Variants in POLR3D observed in about 807,000 individuals in gnomAD.
POLR3D encodes the protein DNA-directed RNA polymerase III subunit RPC4.
Under a neutral mutation model 44.5 loss-of-function variants are expected in POLR3D, and 42 were observed. The observed-to-expected ratio is 0.94, with a 90% CI of 0.74 to 1.22. The LOEUF (loss-of-function observed/expected upper bound fraction) is 1.22. Among genes scored for constraint, POLR3D ranks in the 50% most tolerant of loss-of-function variants. The probability of loss-of-function intolerance (pLI) is 0.00; values close to 1 mark genes in which losing one functional copy is unlikely to be tolerated. For synonymous variants in POLR3D, 217 were observed against 198.1 expected (o/e 1.10, Z -0.80); for missense variants, 507 against 505.2 (o/e 1.00, Z -0.03).
rs1830121915 is a variant in POLR3D, at chr8:22,253,494, G to A, written c.*2976G>A. On this transcript the variant is annotated 3_prime_UTR_variant, in exon 9 of 9. Transcript: ENST00000306433. ...AGGAAGCTGGAGTGGCAGTTGGATA[G>A]ACAATTCATAGTAGCTGCTGCCATG... 1 of 152,200 alleles carries A rather than the reference G, an allele frequency of 6.6e-6. No homozygotes were observed. The highest frequency in any genetic ancestry group is 1.5e-5 in the Non-Finnish European group (1 of 68,038). 9.4% of individuals were successfully genotyped at this position (152,200 alleles called of 1,614,324 possible).
chr8:22,245,995 A>G (rs1276037350), intron 2 of POLR3D, among the ~76,000 whole-genome samples: 1 of 152,220 alleles, frequency 6.6e-6, no homozygotes, highest in Non-Finnish European at 1.5e-5. Context: ...CTTTTTATCT[A>G]GAGTATGATG....
Position 22,250,407 on chromosome 8 carries a change from C to T in POLR3D, c.1086C>T (p.Ser362=), listed in dbSNP as rs770938510. The change falls in exon 9 of 9, where the codon TCC becomes TCT. Residue 362 remains serine (S), a synonymous_variant. Coordinates refer to ENST00000306433, the MANE Select transcript of POLR3D (RefSeq NM_001722.3). The part of the protein sequence containing the change: ...TACSFLQELV[S]VGLGDSRTGE... ...CTGTTAATTGGCAGGAGCTGGTGTC[C>T]GTGGGCCTTGGAGACAGTAGGACAG... 2.2e-5 allele frequency: 36 copies of T among 1,614,042 alleles called. No homozygotes were observed. In the East Asian group the frequency reaches 6.0e-4, roughly 27 times the overall value.
In POLR3D at chr8:22,248,254, C is replaced by G; in HGVS notation, c.462C>G (p.Ile154Met). 6.2e-7 allele frequency: 1 copy of G among 1,614,094 alleles called. No homozygotes were observed. Among genetic ancestry groups the G allele is most frequent in the Non-Finnish European group, 8.5e-7 (1 of 1,180,004 alleles). The stretch of plus-strand genomic sequence containing the variant: ...AGACAGACGAAGAAACTAAACAGAT[C>G]TTGCGTATGCTGGAGAAGGACGATG... ...KRETDEETKQ[I>M]LRMLEKDDFL... The change falls in exon 5 of 9, where the codon ATC (isoleucine) becomes ATG (methionine). Residue 154 changes from isoleucine to methionine, a missense_variant. By Grantham distance (10) the Ile-to-Met change is conservative (BLOSUM62 1). Transcript: ENST00000306433.
At position 22,251,753 on chromosome 8, in the gene POLR3D, CTT is replaced by C. The variant is rs1402991024; in HGVS notation, c.*1236_*1237del. ...TGTCCCTGGAGGAACAGCTTCTCCT[CTT>C]GTCTTGACAGTAGGGCTGGGGTTTT... On this transcript the variant is annotated 3_prime_UTR_variant, in exon 9 of 9. Coordinates refer to ENST00000306433, the MANE Select transcript of POLR3D (RefSeq NM_001722.3). 2 of 152,476 alleles carry C rather than the reference CTT, an allele frequency of 1.3e-5. No individual in the cohort carries two copies. Among genetic ancestry groups the C allele is most frequent in the East Asian group, 3.9e-4 (2 of 5,188 alleles). 9.4% of individuals were successfully genotyped at this position (152,476 alleles called of 1,614,324 possible). A position where few individuals can be genotyped will look rare whatever the true frequency, so the allele number is the denominator to read the frequency against.
rs1830113321 is a variant in POLR3D, at chr8:22,252,514, G to A, written c.*1996G>A. On this transcript the variant is annotated 3_prime_UTR_variant, in exon 9 of 9. Transcript: ENST00000306433. ...TCACGTTCATTTCGCCCATTCAGATGTCTTGGCTTGAACCTTATGACTCCG... is the reference window on the plus strand; with the variant it reads ...TCACGTTCATTTCGCCCATTCAGATATCTTGGCTTGAACCTTATGACTCCG... 1 of 152,208 alleles carries A rather than the reference G, an allele frequency of 6.6e-6. No homozygotes were observed. The allele number at this position is 152,208 out of a possible 1,614,324, so 9.4% of individuals were successfully genotyped here. A position where few individuals can be genotyped will look rare whatever the true frequency, so the allele number is the denominator to read the frequency against.
chr8:22,245,398 C>T (rs879163147), intron 1 of POLR3D, 47 bp from the exon 2 acceptor site: 4 of 1,296,542 alleles, frequency 3.1e-6, no homozygotes, highest in African/African-American at 1.5e-5. Context: ...CCGCCAGGGT[C>T]CGCGTGTCAG....
chr8:22,247,396 C>T, intron 3 of POLR3D, 132 bp downstream of exon 3: 1 of 644,146 alleles, frequency 1.6e-6, no homozygotes, highest in Non-Finnish European at 2.7e-6. Flanking sequence ...TAGTGATTTT[C>T]AACCCTGGCT....
At position 22,247,947 on chromosome 8, in the gene POLR3D, A is replaced by G. The variant is rs1296734774; in HGVS notation, c.300A>G (p.Pro100=). 6 of 1,614,174 alleles carry G rather than the reference A, an allele frequency of 3.7e-6. No homozygotes were observed. The highest frequency in any genetic ancestry group is 5.1e-6 in the Non-Finnish European group (6 of 1,180,026). Residue 100 remains proline, a synonymous_variant, in exon 4 of 9, where the codon CCA becomes CCG. Coordinates refer to ENST00000306433, the MANE Select transcript of POLR3D (RefSeq NM_001722.3). ...REGHGRGRGR[P]EVIQSHSIFE... is the part of the protein sequence containing the mutation. ...GGCATGGACGAGGGCGAGGCCGTCC[A>G]GAAGTGATCCAGTCTCACTCCATCT...
At chr8:22,249,686 G>A (rs1384369033) in intron 7 of POLR3D, among the ~76,000 whole-genome samples, 1 of 152,136 alleles carries the variant, frequency 6.6e-6, no homozygotes, top group African/African-American at 2.4e-5. Flanking sequence ...GCCAGGCATG[G>A]TGGCGTGTGC....
At position 22,254,366 on chromosome 8, in the gene POLR3D, C is replaced by T. The variant is rs1830130929; in HGVS notation, c.*3848C>T. On this transcript the variant is annotated 3_prime_UTR_variant, in exon 9 of 9. Transcript: ENST00000306433. ...TGGTTTTATCGTGTACTCTATCTCA[C>T]TCAGAAATACATACAATTCTTCGTT... The T allele has an allele frequency of 6.6e-6, 1 of 152,186 alleles. No individual in the cohort carries two copies. Among genetic ancestry groups the T allele is most frequent in the South Asian group, 2.1e-4 (1 of 4,834 alleles). The allele number at this position is 152,186 out of a possible 1,614,324, so 9.4% of individuals were successfully genotyped here.
chr8:22,249,333 G>A (rs1164578927), intron 7 of POLR3D, 24 bp downstream of exon 7: 1 of 1,607,468 alleles, frequency 6.2e-7, no homozygotes, highest in Non-Finnish European at 8.5e-7. Context: ...GAGGCCTGCG[G>A]GAATCAAGTC....
At chr8:22,249,864 C>T (rs757539891) in intron 7 of POLR3D, among the ~76,000 whole-genome samples, 2 of 152,208 alleles carry the variant, frequency 1.3e-5, no homozygotes, top group Non-Finnish European at 2.9e-5. Flanking sequence ...CAGAACTCAG[C>T]TTCAGCAGTA....
Position 22,250,642 on chromosome 8 carries a change from C to T in POLR3D, c.*124C>T. 8.1e-7 allele frequency: 1 copy of T among 1,236,628 alleles called. No homozygotes were observed. The highest frequency in any genetic ancestry group is 1.3e-5 in the South Asian group (1 of 74,928). 76.6% of individuals were successfully genotyped at this position (1,236,628 alleles called of 1,614,324 possible). A position where few individuals can be genotyped will look rare whatever the true frequency, so the allele number is the denominator to read the frequency against. ...GCCCACTCACTCCAGCCTTTGGCAA[C>T]CATTGTTCCAGGTCCCCCAGGGCTT... On this transcript the variant is annotated 3_prime_UTR_variant, in exon 9 of 9. Transcript: ENST00000306433.
At position 22,248,552 on chromosome 8, in the gene POLR3D, A is replaced by G; in HGVS notation, c.558A>G (p.Gly186=). Residue 186 remains glycine (G), a synonymous_variant, in exon 6 of 9, where the codon GGA becomes GGG. Transcript: ENST00000306433. ...TGCAGCTGCCGCTGGCTCACTCAGG[A>G]TGGCTTTTTAAGGAAGAAAATGACG... is the stretch of plus-strand genomic sequence containing the variant. The part of the protein sequence containing the change: ...MPVQLPLAHS[G]WLFKEENDEP... 6.2e-7 allele frequency: 1 copy of G among 1,614,130 alleles called. No individual in the cohort carries two copies. The highest frequency in any genetic ancestry group is 8.5e-7 in the Non-Finnish European group (1 of 1,180,026).
At position 22,245,143 on chromosome 8, in the gene POLR3D, C is replaced by T. The variant is rs929202769; in HGVS notation, c.-46C>T. On this transcript the variant is annotated 5_prime_UTR_variant, in exon 1 of 9. Transcript: ENST00000306433. ...CAGGCCCTGCCACGCAGACTTCCGC[C>T]CGGCGCGGAGACCGAAGGCTGGCGG... The T allele has an allele frequency of 3.4e-6, 2 of 586,884 alleles. No individual in the cohort carries two copies. The highest frequency in any genetic ancestry group is 1.9e-5 in the African/African-American group (1 of 53,752). 36.4% of individuals were successfully genotyped at this position (586,884 alleles called of 1,614,324 possible).
chr8:22,252,759 A>G lies in POLR3D; in HGVS notation c.*2241A>G, dbSNP rs1396159086. ...TTTGTTGCTCCCTGCATCTGTGTAT[A>G]TGCTTTCTGTTAAATACAGAAAGAA... On this transcript the variant is annotated 3_prime_UTR_variant, in exon 9 of 9. Transcript: ENST00000306433. 2 of 152,192 alleles carry G rather than the reference A, an allele frequency of 1.3e-5. No individual in the cohort carries two copies. Among genetic ancestry groups the G allele is most frequent in the South Asian group, 2.1e-4 (1 of 4,830 alleles). The allele number at this position is 152,192 out of a possible 1,614,324, so 9.4% of individuals were successfully genotyped here. A position where few individuals can be genotyped will look rare whatever the true frequency, so the allele number is the denominator to read the frequency against.
Position 22,250,396 on chromosome 8 carries a change from G to C in POLR3D, c.1075G>C (p.Glu359Gln), listed in dbSNP as rs768454669. The C allele has an allele frequency of 1.1e-5, 17 of 1,614,080 alleles. No homozygotes were observed. Among genetic ancestry groups the C allele is most frequent in the East Asian group, 4.5e-5 (2 of 44,892 alleles). Residue 359 changes from glutamate to glutamine, a missense_variant and splice_region_variant, in exon 9 of 9, where the codon GAG (glutamate) becomes CAG (glutamine). Transcript: ENST00000306433. ...TMGTACSFLQ[E>Q]LVSVGLGDSR... ...CATCACTGTCTCTGTTAATTGGCAGGAGCTGGTGTCCGTGGGCCTTGGAGA... is the reference window on the plus strand; with the variant it reads ...CATCACTGTCTCTGTTAATTGGCAGCAGCTGGTGTCCGTGGGCCTTGGAGA...
intron 2 of POLR3D, among the ~76,000 whole-genome samples, chr8:22,245,845 A>G (rs1385735837): frequency 3.3e-5 from 5 of 152,184 alleles, no homozygotes; most frequent in Admixed American, 3.3e-4. Context: ...CTAATAAGTT[A>G]AAGTCGTTCA....
chr8:22,249,364 G>A, intron 7 of POLR3D, 55 bp downstream of exon 7: 13 of 1,580,830 alleles, frequency 8.2e-6, no homozygotes, highest in Non-Finnish European at 1.1e-5. Context: ...ACGGGAAGTG[G>A]TGACCTGTAG....
Sources: gnomAD v4.1 joint callset for allele counts (sites outside exome capture counted in the v4.1 genomes callset) on GRCh38, gnomAD v4.1.1 for gene constraint, MANE v1.5 for transcripts, NCBI Gene and HGNC (gene_info 2026-07-23, HGNC 2026-07-21) for gene names.